The following NELL1 variants were observed in gnomAD, a reference collection of about 807,000 sequenced individuals.
NELL1 encodes the protein neural EGFL like 1, also known as protein kinase C-binding protein NELL1.
A neutral mutation model predicts 107.4 loss-of-function variants in NELL1; 76 were observed. The observed-to-expected ratio is 0.71, with a 90% confidence interval of 0.59 to 0.86. The LOEUF (loss-of-function observed/expected upper bound fraction) is 0.86. NELL1 is among the 40% of genes least tolerant of loss of function. The pLI, the probability that NELL1 is intolerant of heterozygous loss-of-function variation, is 0.00. For missense variants in NELL1, 1,024 were observed against 1,005.5 expected (o/e 1.02, Z -0.25); for synonymous variants, 353 against 341.2 (o/e 1.03, Z -0.38).
At chr11:20,934,614 GA>G (rs895178017) in intron 9 of NELL1, among the ~76,000 whole-genome samples, 1 of 152,168 alleles carries the variant, frequency 6.6e-6, no homozygotes, top group Admixed American at 6.5e-5. Context: ...GGCAAAGGAA[GA>G]AAAAATGTCT....
intron 12 of NELL1, among the ~76,000 whole-genome samples, chr11:21,074,416 G>A (rs1854086004): frequency 6.6e-6 from 1 of 152,118 alleles, no homozygotes; most frequent in Non-Finnish European, 1.5e-5. Flanking sequence ...CAGATCTAAT[G>A]AGTCAGAAGT....
intron 12 of NELL1, among the ~76,000 whole-genome samples, chr11:21,089,007 TAA>T (rs1565053180): frequency 6.6e-6 from 1 of 152,144 alleles, no homozygotes; most frequent in African/African-American, 2.4e-5. Flanking sequence ...ACAGCCAGTA[TAA>T]GAGTATTAGA....
intron 14 of NELL1, among the ~76,000 whole-genome samples, chr11:21,297,529 G>A (rs951388606): frequency 6.6e-6 from 1 of 151,964 alleles, no homozygotes; most frequent in South Asian, 2.1e-4. Context: ...AAGTTATTTT[G>A]ATCTGTTTTA....
chr11:20,975,869 A>C (rs1455216849), intron 12 of NELL1, among the ~76,000 whole-genome samples: 5 of 130,122 alleles, frequency 3.8e-5, no homozygotes, highest in Non-Finnish European at 8.4e-5. Flanking sequence ...TGTGTATTAT[A>C]TATACACATA....
At chr11:21,112,838 C>T (rs1051980067) in intron 12 of NELL1, among the ~76,000 whole-genome samples, 3 of 152,008 alleles carry the variant, frequency 2.0e-5, no homozygotes, top group African/African-American at 7.2e-5. Flanking sequence ...CCATCACACA[C>T]AAGCAGTCTG....
intron 15 of NELL1, among the ~76,000 whole-genome samples, chr11:21,490,570 C>T (rs1274323975): frequency 6.6e-6 from 1 of 150,886 alleles, no homozygotes; most frequent in Non-Finnish European, 1.5e-5. Flanking sequence ...CTATAGTAAC[C>T]AAAACAGCAT....
chr11:20,914,757 G>A (rs1479623197), intron 5 of NELL1, among the ~76,000 whole-genome samples: 1 of 151,900 alleles, frequency 6.6e-6, no homozygotes, highest in Non-Finnish European at 1.5e-5. Context: ...TAGGATTAAG[G>A]TATCCTTTAG....
At chr11:21,463,062 A>C (rs1159631146) in intron 15 of NELL1, among the ~76,000 whole-genome samples, 1 of 152,008 alleles carries the variant, frequency 6.6e-6, no homozygotes, top group Admixed American at 6.6e-5. Context: ...ATTCTCTAAA[A>C]CCTATCAAAA....
intron 2 of NELL1, among the ~76,000 whole-genome samples, chr11:20,742,612 G>C (rs1324194195): frequency 6.6e-6 from 1 of 152,190 alleles, no homozygotes; most frequent in African/African-American, 2.4e-5. Flanking sequence ...TTACATGACA[G>C]CAGGCAAGAG....
At chr11:21,267,481 T>C (rs1408213356) in intron 14 of NELL1, among the ~76,000 whole-genome samples, 1 of 152,178 alleles carries the variant, frequency 6.6e-6, no homozygotes, top group Non-Finnish European at 1.5e-5. Context: ...GTGATTTTAC[T>C]GATCCTTTGG....
intron 2 of NELL1, 31 bp from the exon 3 acceptor site, chr11:20,783,649 G>C (rs771755548): frequency 6.4e-7 from 1 of 1,569,428 alleles, no homozygotes; most frequent in African/African-American, 1.4e-5. Flanking sequence ...CTCCTCTCCT[G>C]TTTCCTCCTG....
intron 12 of NELL1, among the ~76,000 whole-genome samples, chr11:20,976,136 T>G (rs1851628133): frequency 1.9e-5 from 2 of 105,688 alleles, no homozygotes; most frequent in African/African-American, 8.2e-5. Flanking sequence ...TGTATACACA[T>G]GTACACACAT....
intron 15 of NELL1, among the ~76,000 whole-genome samples, chr11:21,372,453 T>A (rs1187924938): frequency 6.6e-6 from 1 of 152,064 alleles, no homozygotes; most frequent in African/African-American, 2.4e-5. Flanking sequence ...GATTTTTAAA[T>A]GAATATTTTA....
chr11:20,760,278 T>C (rs1346960140), intron 2 of NELL1, among the ~76,000 whole-genome samples: 1 of 152,186 alleles, frequency 6.6e-6, no homozygotes, highest in African/African-American at 2.4e-5. Context: ...AGCTGGAGTG[T>C]ATGTAGCCGT....
intron 13 of NELL1, among the ~76,000 whole-genome samples, chr11:21,147,793 A>G (rs2959168): frequency 0.73 from 103,091 of 140,690 alleles, 37,948 homozygotes; most frequent in African/African-American, 0.82. Flanking sequence ...CTGAGATGGC[A>G]CCATTGCACC....
At chr11:21,501,009 CT>C (rs1225687098) in intron 15 of NELL1, among the ~76,000 whole-genome samples, 1 of 152,092 alleles carries the variant, frequency 6.6e-6, no homozygotes, top group African/African-American at 2.4e-5. Context: ...TTGCCAGTGA[CT>C]ATCCTGATGG....
At chr11:21,566,546 G>A (rs1292824193) in intron 17 of NELL1, among the ~76,000 whole-genome samples, 1 of 151,732 alleles carries the variant, frequency 6.6e-6, no homozygotes, top group Admixed American at 6.6e-5. Flanking sequence ...GCTTATCATT[G>A]AACTTGCAGT....
At chr11:21,548,905 A>C (rs1446647039) in intron 16 of NELL1, among the ~76,000 whole-genome samples, 1 of 150,566 alleles carries the variant, frequency 6.6e-6, no homozygotes, top group Non-Finnish European at 1.5e-5. Context: ...TGCTGAAAGC[A>C]TGCTGCTGCA....
intron 15 of NELL1, among the ~76,000 whole-genome samples, chr11:21,383,369 C>T (rs1277898890): frequency 3.3e-5 from 5 of 151,744 alleles, no homozygotes; most frequent in East Asian, 2.0e-4. Context: ...TAGGTTGAGT[C>T]CATGAGGGGA....
Sources: gnomAD v4.1 joint callset for allele counts (sites outside exome capture counted in the v4.1 genomes callset) on GRCh38, gnomAD v4.1.1 for gene constraint, MANE v1.5 for transcripts, NCBI Gene and HGNC (gene_info 2026-07-23, HGNC 2026-07-21) for gene names.